HSP90AA1: variants seen among roughly 807,000 people sequenced by gnomAD.
HSP90AA1 encodes the protein heat shock protein 90 alpha family class A member 1.
HSP90AA1 carries 18 observed loss-of-function variants against 73.3 expected under a neutral mutation model. The observed-to-expected ratio is 0.25, with a 90% confidence interval of 0.17 to 0.36. The LOEUF is 0.36. HSP90AA1 is among the 10% of genes least tolerant of loss of function. The probability of loss-of-function intolerance (pLI) is 1.00; values close to 1 mark genes in which losing one functional copy is unlikely to be tolerated. For synonymous variants in HSP90AA1, 477 were observed against 296.9 expected, an observed-to-expected ratio of 1.61 and a Z score of -6.24; for missense variants, 704 against 874.2, an observed-to-expected ratio of 0.81 and a Z score of 2.45.
chr14:102,136,362 T>A (rs1391862459), intron 1 of HSP90AA1, among the ~76,000 whole-genome samples: 1 of 143,102 alleles, frequency 7.0e-6, no homozygotes, highest in Non-Finnish European at 1.5e-5. Flanking sequence ...AGGTCAGGAG[T>A]TCGAGACCAG....
At chr14:102,109,638 T>C (rs1482223503) in intron 1 of HSP90AA1, among the ~76,000 whole-genome samples, 5 of 152,184 alleles carry the variant, frequency 3.3e-5, no homozygotes, top group African/African-American at 1.2e-4. Flanking sequence ...GGTATGTCCT[T>C]ACCAGCAGCA....
At chr14:102,094,915 A>G (rs2049405079) in intron 2 of HSP90AA1, among the ~76,000 whole-genome samples, 1 of 152,108 alleles carries the variant, frequency 6.6e-6, no homozygotes, top group African/African-American at 2.4e-5. Context: ...TGGTGGGTGT[A>G]GCAGGGGCAA....
intron 2 of HSP90AA1, among the ~76,000 whole-genome samples, chr14:102,100,101 T>C (rs2049474245): frequency 6.6e-6 from 1 of 152,096 alleles, no homozygotes; most frequent in African/African-American, 2.4e-5. Flanking sequence ...GCAGGGAGGA[T>C]AGCTTGACCC....
intron 1 of HSP90AA1, among the ~76,000 whole-genome samples, chr14:102,123,132 T>C (rs1347772803): frequency 2.0e-5 from 3 of 152,014 alleles, no homozygotes; most frequent in East Asian, 1.9e-4. Context: ...CAGTGGCTCA[T>C]GCCTGTAATC....
chr14:102,110,581 G>A lies in HSP90AA1; in HGVS notation c.156-8496C>T, dbSNP rs560790167. 3.9e-3 allele frequency among the ~76,000 whole-genome samples: 581 copies of A among 149,638 alleles called. 6 individuals are homozygous for A. Among genetic ancestry groups the A allele is most frequent in the African/African-American group, 0.014 (560 of 41,134 alleles). On this transcript the variant is annotated intron_variant, in intron 1 of 11. Transcript: ENST00000334701. ...ATTACAGGCGCCCACCACCATGCCCGGATAATTTTTTTTTTTTTGAGACAG... is the reference window on the plus strand; with the variant it reads ...ATTACAGGCGCCCACCACCATGCCCAGATAATTTTTTTTTTTTTGAGACAG...
At chr14:102,138,058 T>C (rs569671476) in intron 1 of HSP90AA1, among the ~76,000 whole-genome samples, 49 of 151,798 alleles carry the variant, frequency 3.2e-4, no homozygotes, top group Non-Finnish European at 6.2e-4. Context: ...TGAGACAAAG[T>C]GAACAGTTTA....
Position 102,083,592 on chromosome 14 carries a change from G to A in HSP90AA1, c.1440C>T (p.Tyr480=). 6.2e-7 allele frequency: 1 copy of A among 1,613,678 alleles called. No homozygotes were observed. Among genetic ancestry groups the A allele is most frequent in the Non-Finnish European group, 8.5e-7 (1 of 1,179,654 alleles). Residue 480 remains tyrosine, a synonymous_variant, in exon 8 of 11, where the codon TAC becomes TAT. Coordinates refer to ENST00000216281, the MANE Select transcript of HSP90AA1 (RefSeq NM_005348.4). ...TCTGGTTCTCCTTCATTCTGGTGCAGTAGTCCTTGAGAGAAACCATCTCAT... is the reference window on the plus strand; with the variant it reads ...TCTGGTTCTCCTTCATTCTGGTGCAATAGTCCTTGAGAGAAACCATCTCAT... The part of the protein sequence containing the change: ...SGDEMVSLKD[Y]CTRMKENQKH...
intron 9 of HSP90AA1, chr14:102,082,799 TTTAGTAGAGA>T: frequency 1.9e-6 from 1 of 532,774 alleles, no homozygotes; most frequent in Non-Finnish European, 3.4e-6. Flanking sequence ...TTTTTCTATT[TTTAGTAGAGA>T]CTGAGTTTCA....
chr14:102,124,794 GTACTA>G (rs2049821247), intron 1 of HSP90AA1, among the ~76,000 whole-genome samples: 1 of 152,082 alleles, frequency 6.6e-6, no homozygotes, highest in Non-Finnish European at 1.5e-5. Context: ...AAACTTTTAT[GTACTA>G]TACTGTCACA....
In HSP90AA1 at chr14:102,084,682, T is replaced by C. The variant is rs954788633; in HGVS notation, c.980A>G (p.Lys327Arg). 1.2e-6 allele frequency: 2 copies of C among 1,613,676 alleles called. No homozygotes were observed. The highest frequency in any genetic ancestry group is 2.7e-5 in the African/African-American group (2 of 74,890). Residue 327 changes from lysine (K) to arginine (R), a missense_variant and splice_region_variant, in exon 5 of 11, where the codon AAG becomes AGG. Transcript: ENST00000216281. The stretch of plus-strand genomic sequence containing the variant: ...TTGAAGCACCCATCAGTCACTCACC[T>C]TCACTGCCAAGTGATCTTCCCAGTC... ...TNDWEDHLAV[K>R]HFSVEGQLEF...
At chr14:102,103,322 A>ACCTC (rs891792076) in intron 1 of HSP90AA1, among the ~76,000 whole-genome samples, 40 of 146,282 alleles carry the variant, frequency 2.7e-4, no homozygotes, top group Admixed American at 1.8e-3. Flanking sequence ...CGAGTCTCCT[A>ACCTC]CCTCCTACCT....
intron 9 of HSP90AA1, chr14:102,082,796 A>G (rs2049129088): frequency 1.9e-6 from 1 of 524,248 alleles, no homozygotes; most frequent in East Asian, 3.6e-5. Context: ...ATTTTTTTCT[A>G]TTTTTAGTAG....
At chr14:102,099,955 G>A (rs929055366) in intron 2 of HSP90AA1, among the ~76,000 whole-genome samples, 5 of 152,200 alleles carry the variant, frequency 3.3e-5, no homozygotes, top group Non-Finnish European at 7.4e-5. Flanking sequence ...GGGAGGCCAA[G>A]TTGGGTGGAG....
Position 102,081,915 on chromosome 14 carries a change from T to C in HSP90AA1, c.2090-94A>G, listed in dbSNP as rs113050532. 2.4e-5 allele frequency: 19 copies of C among 803,464 alleles called. 1 individual carries two copies. The highest frequency in any genetic ancestry group is 8.4e-5 in the African/African-American group (5 of 59,488). 49.8% of individuals were successfully genotyped at this position (803,464 alleles called of 1,614,324 possible). ...GTTTCTATCTGCTTTCAAGACAGTATTACAGGACATATGAGTCTCAATTTC... is the reference window on the plus strand; with the variant it reads ...GTTTCTATCTGCTTTCAAGACAGTACTACAGGACATATGAGTCTCAATTTC... On this transcript the variant is annotated intron_variant, in intron 10 of 10. Transcript: ENST00000216281.
chr14:102,107,190 GT>G (rs950467036), intron 1 of HSP90AA1, among the ~76,000 whole-genome samples: 1 of 152,000 alleles, frequency 6.6e-6, no homozygotes, highest in Admixed American at 6.5e-5. Context: ...GGAGGCGAGG[GT>G]GGGGAGTCTG....
At chr14:102,087,198 C>T, upstream of HSP90AA1, 6 of 981,330 alleles carry the variant, frequency 6.1e-6, no homozygotes, top group Non-Finnish European at 7.3e-6. Flanking sequence ...GCACCCCGCC[C>T]CCGCGCCTTC....
intron 1 of HSP90AA1, among the ~76,000 whole-genome samples, chr14:102,117,804 C>A (rs562209717): frequency 6.6e-6 from 1 of 152,280 alleles, no homozygotes; most frequent in East Asian, 1.9e-4. Context: ...AGAGCTGTGG[C>A]CCTTTGGGAA....
chr14:102,133,743 A>G (rs562355636), intron 1 of HSP90AA1, among the ~76,000 whole-genome samples: 2 of 152,072 alleles, frequency 1.3e-5, no homozygotes, highest in Non-Finnish European at 1.5e-5. Context: ...TCAGCCTCCC[A>G]AAGTGCTGGG....
intron 9 of HSP90AA1, 123 bp downstream of exon 9, chr14:102,082,911 G>T (rs577919433): frequency 1.9e-6 from 2 of 1,029,036 alleles, no homozygotes; most frequent in Non-Finnish European, 3.1e-6. Flanking sequence ...GAGCCACCGC[G>T]CCCAGCCACA....
Sources: allele counts gnomAD v4.1 joint callset (sites outside exome capture counted in the v4.1 genomes callset), GRCh38; gene constraint gnomAD v4.1.1; transcripts MANE v1.5; gene names NCBI Gene and HGNC (gene_info 2026-07-23, HGNC 2026-07-21).